The following ZNF276 variants were observed in gnomAD, a reference collection of about 807,000 sequenced individuals.
The protein encoded by ZNF276 is zinc finger protein 276.
A neutral mutation model predicts 63.9 loss-of-function variants in ZNF276; 59 were observed. The observed-to-expected ratio is 0.92, with a 90% CI of 0.75 to 1.15. ZNF276 has a LOEUF of 1.15. Among genes scored for constraint, ZNF276 ranks in the 50% most tolerant of loss-of-function variants. The probability of loss-of-function intolerance (pLI) is 0.00; values close to 1 mark genes in which losing one functional copy is unlikely to be tolerated. For missense variants in ZNF276, 1,084 were observed against 843.8 expected (o/e 1.28, Z -3.53); for synonymous variants, 496 against 348.4 (o/e 1.42, Z -4.72).
chr16:89,735,825 CTG>C (rs1362570687), intron 9 of ZNF276, among the ~76,000 whole-genome samples: 2 of 152,106 alleles, frequency 1.3e-5, no homozygotes, highest in African/African-American at 4.8e-5. Context: ...AGCAATTCTC[CTG>C]TCTCAGCCTC....
chr16:89,728,888 T>C (rs1028476490), intron 5 of ZNF276, among the ~76,000 whole-genome samples: 1 of 152,196 alleles, frequency 6.6e-6, no homozygotes, highest in Non-Finnish European at 1.5e-5. Context: ...TTGCATAGGG[T>C]TCGCAGTTAT....
rs530194869 is a variant in ZNF276, at chr16:89,740,278, A to G, written c.*2032A>G. On this transcript the variant is annotated 3_prime_UTR_variant, in exon 11 of 11. Transcript: ENST00000443381. ...GCCTCTGGACAGAAGAGGCTCAGGTAGGAGGCCAGGGACTTCGAGCACCCA... is the reference window on the plus strand; with the variant it reads ...GCCTCTGGACAGAAGAGGCTCAGGTGGGAGGCCAGGGACTTCGAGCACCCA... 1.6e-6 allele frequency: 1 copy of G among 639,698 alleles called. No homozygotes were observed. The highest frequency in any genetic ancestry group is 1.7e-5 in the South Asian group (1 of 59,292). The allele number at this position is 639,698 out of a possible 1,614,324, so 39.6% of individuals were successfully genotyped here.
In ZNF276 at chr16:89,740,553, T is replaced by G; in HGVS notation, c.*2307T>G. 1.9e-6 allele frequency: 1 copy of G among 536,652 alleles called. No individual in the cohort carries two copies. The highest frequency in any genetic ancestry group is 2.2e-5 in the South Asian group (1 of 45,790). 33.2% of individuals were successfully genotyped at this position (536,652 alleles called of 1,614,324 possible). ...CGGGAGGCTGATGCAGGAGAATTGCTTGAACCCAGGAGGCTGAGGTTGCAG... is the reference window on the plus strand; with the variant it reads ...CGGGAGGCTGATGCAGGAGAATTGCGTGAACCCAGGAGGCTGAGGTTGCAG... On this transcript the variant is annotated 3_prime_UTR_variant, in exon 11 of 11. Coordinates refer to ENST00000443381, the MANE Select transcript of ZNF276 (RefSeq NM_001113525.2).
Position 89,738,574 on chromosome 16 carries a change from T to G in ZNF276, c.*328T>G. ...TGTAATAAATTATTTACACGGGAGC[T>G]GGGCTGGTGTGCAGTGGCAGGTCCC... On this transcript the variant is annotated 3_prime_UTR_variant, in exon 11 of 11. Coordinates refer to ENST00000443381, the MANE Select transcript of ZNF276 (RefSeq NM_001113525.2). 4 of 1,613,056 alleles carry G rather than the reference T, an allele frequency of 2.5e-6. No homozygotes were observed. In the South Asian group the frequency reaches 4.4e-5, roughly 18 times the overall value.
chr16:89,721,286 G>C (rs1252147080), upstream of ZNF276: 1 of 242,730 alleles, frequency 4.1e-6, no homozygotes, highest in Non-Finnish European at 7.9e-6. Context: ...GGTAAGAGGC[G>C]GTGAGGGCCG....
In ZNF276 at chr16:89,739,109, G is replaced by A. The variant is rs754048546; in HGVS notation, c.*863G>A. On this transcript the variant is annotated 3_prime_UTR_variant, in exon 11 of 11. Coordinates refer to ENST00000443381, the MANE Select transcript of ZNF276 (RefSeq NM_001113525.2). ...TCCGGCTGGGGGGAGCTCCCCTGGA[G>A]GTGGGACTGGCCCTTGCACCTGCCT... 3.7e-6 allele frequency: 6 copies of A among 1,614,014 alleles called. No homozygotes were observed. In the South Asian group the frequency reaches 6.6e-5, roughly 18 times the overall value.
intron 9 of ZNF276, 37 bp downstream of exon 9, chr16:89,734,075 G>A (rs777159657): frequency 6.3e-7 from 1 of 1,584,780 alleles, no homozygotes; most frequent in Non-Finnish European, 8.7e-7. Context: ...GCGGGTGACA[G>A]CCAGGGGCAC....
At chr16:89,721,016 A>C (rs1196123275), upstream of ZNF276, 3 of 699,418 alleles carry the variant, frequency 4.3e-6, no homozygotes, top group African/African-American at 1.9e-5. Context: ...CTCCGCGCGT[A>C]CTGCGGGCCC....
chr16:89,737,890 G>A lies in ZNF276; in HGVS notation c.1559G>A (p.Gly520Glu). 1.2e-6 allele frequency: 2 copies of A among 1,612,358 alleles called. No homozygotes were observed. The highest frequency in any genetic ancestry group is 1.7e-6 in the Non-Finnish European group (2 of 1,179,792). Residue 520 changes from glycine to glutamate, a missense_variant, in exon 10 of 11, where the codon GGA becomes GAA. By Grantham distance (98) the Gly-to-Glu change is moderately conservative. Coordinates refer to ENST00000443381, the MANE Select transcript of ZNF276 (RefSeq NM_001113525.2). ...CTCGTCCACCAAATGCGACATTCGGGAGCCAAGCCTTTGCAGTAAGTGTGA... is the reference window on the plus strand; with the variant it reads ...CTCGTCCACCAAATGCGACATTCGGAAGCCAAGCCTTTGCAGTAAGTGTGA... Reference protein sequence around the residue: ...HLLVHQMRHSGAKPLQCEVCG... With the variant: ...HLLVHQMRHSEAKPLQCEVCG...
upstream of ZNF276, chr16:89,720,681 G>A (rs2061237765): frequency 2.3e-6 from 3 of 1,285,302 alleles, no homozygotes; most frequent in South Asian, 2.3e-5. Flanking sequence ...AGCCCGAGCC[G>A]GCCCCGTCCT....
At position 89,738,051 on chromosome 16, in the gene ZNF276, T is replaced by C. The variant is rs2062006902; in HGVS notation, c.1650T>C (p.Thr550=). 3 of 1,614,118 alleles carry C rather than the reference T, an allele frequency of 1.9e-6. No homozygotes were observed. Among genetic ancestry groups the C allele is most frequent in the Non-Finnish European group, 2.5e-6 (3 of 1,180,040 alleles). Residue 550 remains threonine, a synonymous_variant, in exon 11 of 11, where the codon ACT becomes ACC. Transcript: ENST00000443381. ...ACATGACCAAACACAAGGCTGAGAC[T>C]GAGCTGGACTTTGCCTGTGACCAGT... ...KYHMTKHKAE[T]ELDFACDQCG...
intron 4 of ZNF276, among the ~76,000 whole-genome samples, chr16:89,726,959 T>G (rs576813774): frequency 6.6e-6 from 1 of 152,340 alleles, no homozygotes; most frequent in South Asian, 2.1e-4. Flanking sequence ...ATTTTTTAAA[T>G]GTCTCAGAAC....
chr16:89,726,359 G>C (rs1757360961), intron 4 of ZNF276, among the ~76,000 whole-genome samples: 1 of 152,086 alleles, frequency 6.6e-6, no homozygotes, highest in South Asian at 2.1e-4. Context: ...ACTATGCCTG[G>C]CTATTTTTGT....
At position 89,738,283 on chromosome 16, in the gene ZNF276, A is replaced by G; in HGVS notation, c.*37A>G. On this transcript the variant is annotated 3_prime_UTR_variant, in exon 11 of 11. Coordinates refer to ENST00000443381, the MANE Select transcript of ZNF276 (RefSeq NM_001113525.2). ...AGGATGAGCACCTCTAGCAGCCTGG[A>G]CTCCGCAGTGGCTGTGTCAGCCTCA... 1 of 1,555,352 alleles carries G rather than the reference A, an allele frequency of 6.4e-7. No homozygotes were observed. The highest frequency in any genetic ancestry group is 8.7e-7 in the Non-Finnish European group (1 of 1,151,930).
Position 89,739,439 on chromosome 16 carries a change from A to T in ZNF276, c.*1193A>T. 1 of 1,553,504 alleles carries T rather than the reference A, an allele frequency of 6.4e-7. No individual in the cohort carries two copies. Among genetic ancestry groups the T allele is most frequent in the East Asian group, 2.4e-5 (1 of 41,414 alleles). On this transcript the variant is annotated 3_prime_UTR_variant, in exon 11 of 11. Coordinates refer to ENST00000443381, the MANE Select transcript of ZNF276 (RefSeq NM_001113525.2). ...AGGTGCTGAGATGGGGGTCTGGGAA[A>T]CACTGCCCAGCCCTGACCAGCCCTG...
Position 89,739,839 on chromosome 16 carries a change from T to G in ZNF276, c.*1593T>G. On this transcript the variant is annotated 3_prime_UTR_variant, in exon 11 of 11. Transcript: ENST00000443381. ...GTGAGCCAGTAAATTATCTTATTGC[T>G]TTAAACAAGTTTGTGCTTAATCTGT... 6.7e-7 allele frequency: 1 copy of G among 1,496,462 alleles called. No individual in the cohort carries two copies. The allele number at this position is 1,496,462 out of a possible 1,614,324, so 92.7% of individuals were successfully genotyped here. A position where few individuals can be genotyped will look rare whatever the true frequency, so the allele number is the denominator to read the frequency against.
rs1597962674 is a variant in ZNF276, at chr16:89,722,902, G to A, written c.509+68G>A. 2.6e-6 allele frequency: 4 copies of A among 1,565,328 alleles called. No individual in the cohort carries two copies. In the East Asian group the frequency reaches 6.7e-5, roughly 26 times the overall value. The stretch of plus-strand genomic sequence containing the variant: ...TGCAGTGTGACGGGTGTTGAGAGAG[G>A]GACAGGGCGTGCCTCCGCGGGAGCC... On this transcript the variant is annotated intron_variant, in intron 2 of 10. Coordinates refer to ENST00000443381, the MANE Select transcript of ZNF276 (RefSeq NM_001113525.2).
Position 89,738,724 on chromosome 16 carries a change from A to ACTC in ZNF276, c.*478_*479insCTC. On this transcript the variant is annotated 3_prime_UTR_variant, in exon 11 of 11. Transcript: ENST00000443381. The stretch of plus-strand genomic sequence containing the variant: ...CAGCCAGCAGCTGTGAGAGAGGAGC[A>ACTC]GGTCCTCAGCCCATGCCGCCCACTA... The ACTC allele has an allele frequency of 6.2e-7, 1 of 1,613,602 alleles. No individual in the cohort carries two copies. Among genetic ancestry groups the ACTC allele is most frequent in the African/African-American group, 1.3e-5 (1 of 75,050 alleles).
intron 9 of ZNF276, among the ~76,000 whole-genome samples, chr16:89,736,208 TAG>T (rs2061877000): frequency 6.6e-6 from 1 of 152,218 alleles, no homozygotes; most frequent in East Asian, 1.9e-4. Context: ...CTATTTTTAG[TAG>T]AGAGGCAGGT....
Sources: allele counts gnomAD v4.1 joint callset (sites outside exome capture counted in the v4.1 genomes callset), GRCh38; gene constraint gnomAD v4.1.1; transcripts MANE v1.5; gene names NCBI Gene and HGNC (gene_info 2026-07-23, HGNC 2026-07-21).